Variants in KNL1 observed in about 807,000 individuals in gnomAD.
KNL1 encodes the protein kinetochore scaffold 1.
A neutral mutation model predicts 201.3 loss-of-function variants in KNL1; 66 were observed. The ratio of observed to expected loss-of-function variants is 0.33; its 90% CI spans 0.27 to 0.40. The LOEUF is 0.40. KNL1 is among the 10% of genes least tolerant of loss of function. KNL1 has a pLI of 1.00. For synonymous variants in KNL1, 895 were observed against 899.2 expected, an observed-to-expected ratio of 1.00 and a Z score of 0.08; for missense variants, 2,815 against 2,690.5, an observed-to-expected ratio of 1.05 and a Z score of -1.02.
rs1893972184 is a variant in KNL1 at position 40,663,511 on chromosome 15, G to A, written c.*1323G>A. 1 of 189,558 alleles carries A rather than the reference G, an allele frequency of 5.3e-6. No individual in the cohort carries two copies. The highest frequency in any genetic ancestry group is 8.5e-5 in the East Asian group (1 of 11,822). 11.7% of individuals were successfully genotyped at this position (189,558 alleles called of 1,614,324 possible). A position where few individuals can be genotyped will look rare whatever the true frequency, so the allele number is the denominator to read the frequency against. ...AGGTATATAGATACTCATCTGTCTA[G>A]GCAGTTCCCAATTTTCTGAAGAATG... On this transcript the variant is annotated 3_prime_UTR_variant, in exon 26 of 26. Coordinates refer to ENST00000399668, the MANE Select transcript of KNL1 (RefSeq NM_144508.5).
At chr15:40,619,750 A>G (rs915082120) in intron 9 of KNL1, among the ~76,000 whole-genome samples, 3 of 152,128 alleles carry the variant, frequency 2.0e-5, no homozygotes, top group African/African-American at 7.2e-5. Context: ...TCTTTCCTAG[A>G]CTTTTAAAAT....
At position 40,622,039 on chromosome 15, in the gene KNL1, A is replaced by G. The variant is rs766333743; in HGVS notation, c.1775A>G (p.Asn592Ser). ...AGTCAGGTTCCTCTTGCAGCTTATAATCTAGCACCGGAGAGTACCAGTGAA... is the reference window on the plus strand; with the variant it reads ...AGTCAGGTTCCTCTTGCAGCTTATAGTCTAGCACCGGAGAGTACCAGTGAA... ...LGSQVPLAAY[N>S]LAPESTSESH... Residue 592 changes from asparagine to serine, a missense_variant, in exon 10 of 26, where the codon AAT (asparagine) becomes AGT (serine). This residue lies in a region of KNL1 where 2,464 missense variants were observed against 2,291.7 expected (regional missense o/e 1.08). Coordinates refer to ENST00000399668, the MANE Select transcript of KNL1 (RefSeq NM_144508.5). The G allele has an allele frequency of 5.5e-5, 89 of 1,613,938 alleles. No individual in the cohort carries two copies. Among genetic ancestry groups the G allele is most frequent in the Non-Finnish European group, 6.8e-5 (80 of 1,179,962 alleles).
At position 40,610,281 on chromosome 15, in the gene KNL1, A is replaced by G. The variant is rs771549862; in HGVS notation, c.234A>G (p.Arg78=). Residue 78 remains arginine, a synonymous_variant, in exon 6 of 26, where the codon AGA becomes AGG. Coordinates refer to ENST00000399668, the MANE Select transcript of KNL1 (RefSeq NM_144508.5). ...CGGAGTCTCATATGAAAATAGTGAG[A>G]AAGTCAGAAATGGAAGGTAAGTATG... ...FQTESHMKIV[R]KSEMEETETG... is the part of the protein sequence containing the mutation. 6.5e-7 allele frequency: 1 copy of G among 1,528,688 alleles called. No individual in the cohort carries two copies. The highest frequency in any genetic ancestry group is 1.1e-5 in the South Asian group (1 of 89,006). The allele number at this position is 1,528,688 out of a possible 1,614,324, so 94.7% of individuals were successfully genotyped here.
At chr15:40,647,505 TAAATTAGAGC>T (rs1359565510) in intron 17 of KNL1, among the ~76,000 whole-genome samples, 2 of 151,880 alleles carry the variant, frequency 1.3e-5, no homozygotes, top group African/African-American at 2.4e-5. Flanking sequence ...AATAAATAAA[TAAATTAGAGC>T]AAATTAAAGT....
intron 5 of KNL1, 133 bp from the exon 6 acceptor site, chr15:40,610,112 G>A: frequency 3.5e-6 from 2 of 571,078 alleles, no homozygotes; most frequent in Non-Finnish European, 3.1e-6. Flanking sequence ...AATACTAGGA[G>A]TATATGGCAT....
chr15:40,612,611 G>A (rs906487682), intron 7 of KNL1, among the ~76,000 whole-genome samples: 1 of 151,982 alleles, frequency 6.6e-6, no homozygotes, highest in African/African-American at 2.4e-5. Context: ...CCGCCTCCTG[G>A]GTTCAAGTGA....
chr15:40,646,901 A>T, intron 16 of KNL1, 86 bp from the exon 17 acceptor site: 4 of 587,256 alleles, frequency 6.8e-6, no homozygotes, highest in East Asian at 3.3e-5. Context: ...TGTGATCATG[A>T]TAGAGCGATT....
rs750147772 is a variant in KNL1, at chr15:40,621,957, G to A, written c.1693G>A (p.Glu565Lys). 3.0e-5 allele frequency: 48 copies of A among 1,613,790 alleles called. No homozygotes were observed. In the Admixed American group the frequency reaches 8.0e-4, roughly 27 times the overall value. Residue 565 changes from glutamate (E) to lysine (K), a missense_variant, in exon 10 of 26, where the codon GAA (glutamate) becomes AAA (lysine). Glu to Lys is a moderately conservative substitution (Grantham distance 56). Coordinates refer to ENST00000399668, the MANE Select transcript of KNL1 (RefSeq NM_144508.5). Reference sequence around the variant, plus strand: ...TATTTCATTGACTGATAGAAAGACTGAACTCTTATCAGGTGAAAATATGGA... The same window carrying A: ...TATTTCATTGACTGATAGAAAGACTAAACTCTTATCAGGTGAAAATATGGA... Reference protein sequence around the residue: ...LSISLTDRKTELLSGENMDLT... With the variant: ...LSISLTDRKTKLLSGENMDLT...
At chr15:40,636,411 G>A (rs1893057680) in intron 13 of KNL1, among the ~76,000 whole-genome samples, 1 of 152,170 alleles carries the variant, frequency 6.6e-6, no homozygotes, top group Non-Finnish European at 1.5e-5. Context: ...CACTTTATGT[G>A]TTATGAAAGT....
At position 40,662,249 on chromosome 15, in the gene KNL1, A is replaced by C; in HGVS notation, c.*61A>C. 1.1e-6 allele frequency: 1 copy of C among 932,326 alleles called. No individual in the cohort carries two copies. 57.8% of individuals were successfully genotyped at this position (932,326 alleles called of 1,614,324 possible). A position where few individuals can be genotyped will look rare whatever the true frequency, so the allele number is the denominator to read the frequency against. On this transcript the variant is annotated 3_prime_UTR_variant, in exon 26 of 26. Transcript: ENST00000399668. The stretch of plus-strand genomic sequence containing the variant: ...GTACTTGATATTATTTCAGGGTCCC[A>C]TTGCTGTTCAGCCTTTGTTTTTACG...
At chr15:40,601,847 T>G (rs1891803257) in intron 1 of KNL1, among the ~76,000 whole-genome samples, 1 of 132,772 alleles carries the variant, frequency 7.5e-6, no homozygotes, top group Admixed American at 7.6e-5. Context: ...AAAAAATTCC[T>G]TAAAAATGCA....
intron 16 of KNL1, among the ~76,000 whole-genome samples, chr15:40,646,016 T>G (rs1893373444): frequency 6.6e-6 from 1 of 152,188 alleles, no homozygotes; most frequent in Non-Finnish European, 1.5e-5. Flanking sequence ...TCATACATAC[T>G]GAAATAAAAT....
intron 10 of KNL1, 94 bp from the exon 11 acceptor site, chr15:40,627,976 A>C: frequency 1.3e-6 from 1 of 785,174 alleles, no homozygotes; most frequent in South Asian, 2.9e-5. Context: ...ATTATAGATT[A>C]ATTGTATGTT....
chr15:40,614,532 C>G (rs1892279807), intron 7 of KNL1, among the ~76,000 whole-genome samples: 1 of 152,172 alleles, frequency 6.6e-6, no homozygotes, highest in Non-Finnish European at 1.5e-5. Context: ...CACACCCAGC[C>G]TATTCCCTCT....
intron 10 of KNL1, among the ~76,000 whole-genome samples, chr15:40,626,386 G>C (rs148594986): frequency 6.6e-6 from 1 of 151,086 alleles, no homozygotes; most frequent in East Asian, 1.9e-4. Context: ...GGCCAGGCTG[G>C]TCTCGAACTC....
chr15:40,606,347 ATAGATATGCCAGATTTTT>A, intron 3 of KNL1, 28 bp from the exon 4 acceptor site: 1 of 1,149,302 alleles, frequency 8.7e-7, no homozygotes, highest in Non-Finnish European at 1.3e-6. Context: ...CTGATTCTTA[ATAGATATGCCAGATTTTT>A]TTTGAATAAT....
chr15:40,618,393 G>A (rs1892411873), intron 8 of KNL1, among the ~76,000 whole-genome samples: 1 of 151,876 alleles, frequency 6.6e-6, no homozygotes, highest in African/African-American at 2.4e-5. Context: ...CTTATCATGG[G>A]AATATCTAGA....
Position 40,606,437 on chromosome 15 carries a change from G to T in KNL1, c.120G>T (p.Gly40=), listed in dbSNP as rs375451437. The T allele has an allele frequency of 1.2e-5, 19 of 1,567,048 alleles. No individual in the cohort carries two copies. The African/African-American group carries it at 2.4e-4, about 20-fold the overall frequency. Residue 40 remains glycine (G), a synonymous_variant, in exon 4 of 26, where the codon GGG becomes GGT. Coordinates refer to ENST00000399668, the MANE Select transcript of KNL1 (RefSeq NM_144508.5). The part of the protein sequence containing the change: ...PRSPLQDLRG[G]NERVQESNAL... ...GTCCTCTTCAGGACCTCAGAGGTGG[G>T]AATGAAAGAGTTCAGGTAAGTCTTT... is the stretch of plus-strand genomic sequence containing the variant.
chr15:40,644,406 C>T (rs1167003409), intron 14 of KNL1, among the ~76,000 whole-genome samples: 2 of 152,204 alleles, frequency 1.3e-5, no homozygotes, highest in Admixed American at 1.3e-4. Flanking sequence ...AATGTACAAT[C>T]GAGTTTTATA....
Sources: gnomAD v4.1 joint callset for allele counts (sites outside exome capture counted in the v4.1 genomes callset) on GRCh38, gnomAD v4.1.1 for gene constraint, gnomAD v4.1.1 regional missense constraint, MANE v1.5 for transcripts, NCBI Gene and HGNC (gene_info 2026-07-23, HGNC 2026-07-21) for gene names.